The following XPNPEP1 variants were observed in gnomAD, a reference collection of about 807,000 sequenced individuals.
XPNPEP1 encodes the protein X-prolyl aminopeptidase 1.
Under a neutral mutation model 92.4 loss-of-function variants are expected in XPNPEP1, and 39 were observed. That is an observed-to-expected ratio of 0.42 (90% confidence interval 0.33 to 0.55). The LOEUF (loss-of-function observed/expected upper bound fraction) is 0.55. XPNPEP1 is among the 20% of genes least tolerant of loss of function. The pLI is 0.08. For missense variants in XPNPEP1, 654 were observed against 856.1 expected (o/e 0.76, Z 2.95); for synonymous variants, 307 against 299.4 (o/e 1.03, Z -0.26).
chr10:109,873,952 G>T (rs1349524636), intron 15 of XPNPEP1, among the ~76,000 whole-genome samples: 9 of 152,204 alleles, frequency 5.9e-5, no homozygotes, highest in Admixed American at 5.9e-4. Flanking sequence ...GATACAGAAA[G>T]GAGAGTAGTG....
At chr10:109,920,630 A>G (rs10787220) in intron 1 of XPNPEP1, among the ~76,000 whole-genome samples, 84,786 of 151,912 alleles carry the variant, frequency 0.56, 26,165 homozygotes, top group African/African-American at 0.8. Flanking sequence ...TCAAACTCCT[A>G]AGCTCAAGCA....
intron 1 of XPNPEP1, among the ~76,000 whole-genome samples, chr10:109,922,410 A>C (rs991710106): frequency 1.3e-5 from 2 of 152,170 alleles, no homozygotes; most frequent in African/African-American, 4.8e-5. Context: ...ACTTACAGGA[A>C]GCTCCTTCCA....
At chr10:109,918,874 A>G (rs369667327) in intron 1 of XPNPEP1, among the ~76,000 whole-genome samples, 6,053 of 73,914 alleles carry the variant, frequency 0.082, 185 homozygotes, top group African/African-American at 0.18. Context: ...GAAGGAAGGA[A>G]GGAAGGAAGG....
chr10:109,882,495 G>A lies in XPNPEP1; in HGVS notation c.978C>T (p.Ser326=), dbSNP rs1026652494. The change falls in exon 10 of 21, where the codon TCC becomes TCT. Residue 326 remains serine (S), a synonymous_variant. Coordinates refer to ENST00000502935, the MANE Select transcript of XPNPEP1 (RefSeq NM_020383.4). Reference sequence around the variant, plus strand: ...CACTGACCCACACCTTCTCCCTTGGGGAGAGGTCAGCACACAGGGCCTTGA... The same window carrying A: ...CACTGACCCACACCTTCTCCCTTGGAGAGAGGTCAGCACACAGGGCCTTGA... ...SELKALCADL[S]PREKVWVSDK... 6 of 1,614,212 alleles carry A rather than the reference G, an allele frequency of 3.7e-6. No individual in the cohort carries two copies. Among genetic ancestry groups the A allele is most frequent in the Middle Eastern group, 3.3e-4 (2 of 6,062 alleles).
intron 2 of XPNPEP1, among the ~76,000 whole-genome samples, chr10:109,910,565 AT>A (rs1239558072): frequency 3.3e-5 from 5 of 152,164 alleles, no homozygotes; most frequent in Admixed American, 1.3e-4. Context: ...AAAAAAGACA[AT>A]ATGCATTTAA....
intron 2 of XPNPEP1, among the ~76,000 whole-genome samples, chr10:109,912,497 T>C (rs1036769709): frequency 1.5e-4 from 23 of 152,114 alleles, no homozygotes; most frequent in African/African-American, 4.1e-4. Flanking sequence ...TGGAAAGTGA[T>C]TGAATGAGTG....
At position 109,870,033 on chromosome 10, in the gene XPNPEP1, A is replaced by C. The variant is rs747920108; in HGVS notation, c.1697-4T>G. On this transcript the variant is annotated splice_polypyrimidine_tract_variant and splice_region_variant and intron_variant, in intron 18 of 20. Transcript: ENST00000502935. The stretch of plus-strand genomic sequence containing the variant: ...CCATCTTCATAGTACCCGGGCTCTA[A>C]AACAAACCAAATCCCAAAAATGAGA... The C allele has an allele frequency of 6.2e-7, 1 of 1,613,970 alleles. No individual in the cohort carries two copies. Among genetic ancestry groups the C allele is most frequent in the Admixed American group, 1.7e-5 (1 of 60,006 alleles).
intron 3 of XPNPEP1, 153 bp from the exon 4 acceptor site, chr10:109,893,228 A>G (rs1848800195): frequency 3.2e-6 from 2 of 623,256 alleles, no homozygotes; most frequent in East Asian, 2.8e-5. Context: ...GCTGAAAACA[A>G]CAGATTAGCA....
intron 6 of XPNPEP1, 26 bp downstream of exon 6, chr10:109,888,477 A>G (rs758536916): frequency 5.0e-6 from 8 of 1,589,068 alleles, no homozygotes; most frequent in Non-Finnish European, 6.9e-6. Flanking sequence ...TCCTTACCCA[A>G]GCAGAAAGGG....
chr10:109,868,715 G>A lies in XPNPEP1; in HGVS notation c.1774-3C>T. The A allele has an allele frequency of 6.2e-7, 1 of 1,612,658 alleles. No individual in the cohort carries two copies. Among genetic ancestry groups the A allele is most frequent in the Non-Finnish European group, 8.5e-7 (1 of 1,178,756 alleles). Reference sequence around the variant, plus strand: ...CTTCCCCGGTTATTAAAATTATACTGCGGGAGAAAGAAGAAAACAGATGCT... The same window carrying A: ...CTTCCCCGGTTATTAAAATTATACTACGGGAGAAAGAAGAAAACAGATGCT... On this transcript the variant is annotated splice_polypyrimidine_tract_variant and splice_region_variant and intron_variant, in intron 19 of 20. Coordinates refer to ENST00000502935, the MANE Select transcript of XPNPEP1 (RefSeq NM_020383.4).
chr10:109,886,225 C>G, intron 8 of XPNPEP1, 21 bp downstream of exon 8: 3 of 1,612,922 alleles, frequency 1.9e-6, no homozygotes, highest in Non-Finnish European at 2.5e-6. Flanking sequence ...CATGCCCAAA[C>G]AGCGAAACCA....
chr10:109,875,424 G>A, intron 15 of XPNPEP1, 104 bp downstream of exon 15: 1 of 1,002,004 alleles, frequency 1.0e-6, no homozygotes, highest in Non-Finnish European at 1.5e-6. Context: ...GGCCAGCACA[G>A]AGGGCGATGA....
chr10:109,918,086 C>A (rs1259987061), intron 1 of XPNPEP1, among the ~76,000 whole-genome samples: 1 of 151,494 alleles, frequency 6.6e-6, no homozygotes, highest in Non-Finnish European at 1.5e-5. Context: ...TGCACTCCAG[C>A]TTGGGTTACA....
At chr10:109,905,497 C>T (rs1296425715) in intron 3 of XPNPEP1, among the ~76,000 whole-genome samples, 4 of 152,012 alleles carry the variant, frequency 2.6e-5, no homozygotes, top group Admixed American at 6.6e-5. Context: ...CGTGAGCCAC[C>T]GTGACTGGCC....
intron 3 of XPNPEP1, among the ~76,000 whole-genome samples, chr10:109,899,464 C>T (rs974401073): frequency 2.0e-5 from 3 of 152,120 alleles, no homozygotes; most frequent in African/African-American, 7.2e-5. Flanking sequence ...CCAGGAACAC[C>T]CACTCTATAC....
At chr10:109,886,645 A>G (rs1247675841) in intron 7 of XPNPEP1, among the ~76,000 whole-genome samples, 2 of 152,256 alleles carry the variant, frequency 1.3e-5, no homozygotes, top group African/African-American at 4.8e-5. Context: ...CTGTGGTTAC[A>G]GATCTGAGCC....
chr10:109,879,900 C>T (rs1847996044), intron 12 of XPNPEP1, among the ~76,000 whole-genome samples: 1 of 152,154 alleles, frequency 6.6e-6, no homozygotes, highest in Non-Finnish European at 1.5e-5. Flanking sequence ...TTATAAGACT[C>T]ATTTTTCCTT....
intron 20 of XPNPEP1, among the ~76,000 whole-genome samples, 154 bp downstream of exon 20, chr10:109,868,460 G>C (rs1218242275): frequency 6.6e-6 from 1 of 151,990 alleles, no homozygotes; most frequent in Non-Finnish European, 1.5e-5. Context: ...AAAACCTAGG[G>C]CTTTCAGACT....
chr10:109,877,686 T>G, intron 14 of XPNPEP1, 104 bp downstream of exon 14: 1 of 1,327,556 alleles, frequency 7.5e-7, no homozygotes. Context: ...AACAGACAGA[T>G]GAAGGTGGGC....
Sources: allele counts gnomAD v4.1 joint callset (sites outside exome capture counted in the v4.1 genomes callset), GRCh38; gene constraint gnomAD v4.1.1; transcripts MANE v1.5; gene names NCBI Gene and HGNC (gene_info 2026-07-23, HGNC 2026-07-21).